Variants in WDFY3 observed in about 807,000 individuals in gnomAD.
WDFY3 encodes WD repeat and FYVE domain containing 3.
WDFY3 carries 66 observed loss-of-function variants against 409.6 expected under a neutral mutation model. The observed-to-expected ratio is 0.16, with a 90% CI of 0.13 to 0.20. The LOEUF is 0.20. Ranked by LOEUF, WDFY3 falls within the 10% of genes least tolerant of loss-of-function variation. The pLI is 1.00. For missense variants in WDFY3, 3,031 were observed against 4,298.1 expected (o/e 0.71, Z 8.24); for synonymous variants, 1,521 against 1,537.1 (o/e 0.99, Z 0.25).
intron 2 of WDFY3, among the ~76,000 whole-genome samples, chr4:84,905,509 A>G (rs1766924653): frequency 6.6e-6 from 1 of 152,142 alleles, no homozygotes; most frequent in Admixed American, 6.5e-5. Flanking sequence ...CCTACAGACT[A>G]GATCTCATCT....
chr4:84,675,312 C>T (rs1289469854), intron 67 of WDFY3, among the ~76,000 whole-genome samples: 3 of 152,104 alleles, frequency 2.0e-5, no homozygotes, highest in Non-Finnish European at 2.9e-5. Flanking sequence ...AGACAGAATC[C>T]TCTGCCAGCC....
rs1756658338 is a variant in WDFY3, at chr4:84,836,947, G to C, written c.558C>G (p.Leu186=). Residue 186 remains leucine (L), a synonymous_variant, in exon 7 of 68, where the codon CTC becomes CTG. Coordinates refer to ENST00000295888, the MANE Select transcript of WDFY3 (RefSeq NM_014991.6). The part of the protein sequence containing the change: ...ELPLAERRGL[L]QKVFVQILVK... Reference sequence around the variant, plus strand: ...TTCATACCTGTACAAAAACTTTCTGGAGTAGTCCTCGACGTTCTGCTAGAG... The same window carrying C: ...TTCATACCTGTACAAAAACTTTCTGCAGTAGTCCTCGACGTTCTGCTAGAG... 2 of 1,581,222 alleles carry C rather than the reference G, an allele frequency of 1.3e-6. No homozygotes were observed. The highest frequency in any genetic ancestry group is 1.4e-5 in the African/African-American group (1 of 73,968).
chr4:84,703,428 G>A (rs931497496), intron 55 of WDFY3, among the ~76,000 whole-genome samples: 2 of 152,120 alleles, frequency 1.3e-5, no homozygotes, highest in South Asian at 2.1e-4. Context: ...CCTGTCTTAC[G>A]ATGCTCACTG....
At chr4:84,817,752 T>C (rs1290925953) in intron 12 of WDFY3, among the ~76,000 whole-genome samples, 167 bp from the exon 13 acceptor site, 2 of 152,104 alleles carry the variant, frequency 1.3e-5, no homozygotes, top group Non-Finnish European at 2.9e-5. Flanking sequence ...ATTTGCACAG[T>C]GGGTTGTCAG....
At chr4:84,780,020 C>T in intron 26 of WDFY3, 88 bp downstream of exon 26, 1 of 1,353,444 alleles carries the variant, frequency 7.4e-7, no homozygotes, top group Non-Finnish European at 9.8e-7. Context: ...ATAATTCTTC[C>T]AGAGTTTCAA....
chr4:84,947,192 G>T (rs542410036), intron 1 of WDFY3, among the ~76,000 whole-genome samples: 1 of 151,968 alleles, frequency 6.6e-6, no homozygotes, highest in South Asian at 2.1e-4. Flanking sequence ...CACCTTAATA[G>T]CAGGAGTCTA....
chr4:84,885,801 C>T (rs1442474762), intron 3 of WDFY3, among the ~76,000 whole-genome samples: 1 of 152,198 alleles, frequency 6.6e-6, no homozygotes, highest in Non-Finnish European at 1.5e-5. Flanking sequence ...ACACACATGA[C>T]TAGTGAGAAA....
intron 1 of WDFY3, among the ~76,000 whole-genome samples, chr4:84,942,512 A>G (rs535816338): frequency 6.6e-6 from 1 of 152,286 alleles, no homozygotes; most frequent in African/African-American, 2.4e-5. Context: ...ATGTGCTTTC[A>G]TTTCTTTTAT....
At chr4:84,854,221 C>A (rs527274753) in intron 4 of WDFY3, among the ~76,000 whole-genome samples, 15 of 152,102 alleles carry the variant, frequency 9.9e-5, no homozygotes, top group Admixed American at 3.3e-4. Context: ...GAGATCAGAG[C>A]TGTGCAAAGA....
rs112660301 is a variant in WDFY3, at chr4:84,888,832, CT to C, written c.-32+8078del. Reference sequence around the variant, plus strand: ...AATCAGCAAACACTAAAAATTGGGGCTTTTTTTTTTTTTCTTGGCTAGCTGG... The same window carrying C: ...AATCAGCAAACACTAAAAATTGGGGCTTTTTTTTTTTTCTTGGCTAGCTGG... On this transcript the variant is annotated intron_variant, in intron 3 of 67. Coordinates refer to ENST00000295888, the MANE Select transcript of WDFY3 (RefSeq NM_014991.6). 3.0e-3 allele frequency among the ~76,000 whole-genome samples: 415 copies of C among 140,342 alleles called. 2 individuals carry two copies. Among genetic ancestry groups the C allele is most frequent in the African/African-American group, 5.3e-3 (206 of 38,608 alleles). The allele number at this position is 140,342 out of a possible 152,430, so 92.1% of individuals were successfully genotyped here.
At chr4:84,806,288 T>A (rs999347632) in intron 15 of WDFY3, among the ~76,000 whole-genome samples, 1 of 152,322 alleles carries the variant, frequency 6.6e-6, no homozygotes, top group East Asian at 1.9e-4. Flanking sequence ...GCAAAATGTA[T>A]GCAAGCTGAA....
intron 17 of WDFY3, among the ~76,000 whole-genome samples, chr4:84,801,254 C>G (rs1750512077): frequency 2.0e-5 from 3 of 152,136 alleles, no homozygotes; most frequent in Admixed American, 2.0e-4. Flanking sequence ...GGAAAATGGG[C>G]AAAGAGCACA....
At chr4:84,843,326 T>TA (rs1287757182) in intron 5 of WDFY3, among the ~76,000 whole-genome samples, 2 of 152,174 alleles carry the variant, frequency 1.3e-5, no homozygotes, top group Non-Finnish European at 2.9e-5. Flanking sequence ...TGTATCACTG[T>TA]AAAAAAATAA....
chr4:84,825,441 A>G (rs1448848554), intron 10 of WDFY3, among the ~76,000 whole-genome samples: 2 of 150,070 alleles, frequency 1.3e-5, no homozygotes. Context: ...ATGACAGCTC[A>G]CTGCAGCTTT....
rs1483067650 is a variant in WDFY3 at position 84,729,608 on chromosome 4, T to A, written c.7222-2697A>T. On this transcript the variant is annotated intron_variant, in intron 44 of 67. Transcript: ENST00000295888. ...CCAATTTAAAATCAATAAATAAAAT[T>A]CAAAACTTAGACTAGGTAAGCTATT... is the stretch of plus-strand genomic sequence containing the variant. Among the ~76,000 whole-genome samples, 6 of 151,842 alleles carry A rather than the reference T, an allele frequency of 4.0e-5. No individual in the cohort carries two copies. In the South Asian group the frequency reaches 1.0e-3, roughly 26 times the overall value.
At chr4:84,793,816 A>T (rs1293693253) in intron 21 of WDFY3, among the ~76,000 whole-genome samples, 1 of 152,200 alleles carries the variant, frequency 6.6e-6, no homozygotes, top group African/African-American at 2.4e-5. Context: ...CATTCATATT[A>T]TATTAATATT....
intron 3 of WDFY3, among the ~76,000 whole-genome samples, chr4:84,875,265 C>CAA (rs112257480): frequency 2.0e-4 from 13 of 65,326 alleles, no homozygotes; most frequent in South Asian, 1.1e-3. Flanking sequence ...AAGACTCAAA[C>CAA]ACACACACAC....
chr4:84,918,964 T>G (rs998800105), intron 2 of WDFY3, among the ~76,000 whole-genome samples: 6 of 152,002 alleles, frequency 3.9e-5, no homozygotes, highest in African/African-American at 1.4e-4. Context: ...GATCTTGGTT[T>G]CTAATACTAT....
intron 19 of WDFY3, among the ~76,000 whole-genome samples, 159 bp from the exon 20 acceptor site, chr4:84,795,138 A>C (rs569296119): frequency 6.6e-6 from 1 of 152,302 alleles, no homozygotes; most frequent in Non-Finnish European, 1.5e-5. Flanking sequence ...CCTTCTTTTA[A>C]TTATGTAAGG....
Sources: allele counts gnomAD v4.1 joint callset (sites outside exome capture counted in the v4.1 genomes callset), GRCh38; gene constraint gnomAD v4.1.1; transcripts MANE v1.5; gene names NCBI Gene and HGNC (gene_info 2026-07-23, HGNC 2026-07-21).